UBE3C: variants seen among roughly 807,000 people sequenced by gnomAD.
The protein encoded by UBE3C is ubiquitin-protein ligase E3C.
UBE3C carries 42 observed loss-of-function variants against 129.4 expected under a neutral mutation model. The observed-to-expected ratio is 0.32, with a 90% CI of 0.25 to 0.42. The LOEUF (loss-of-function observed/expected upper bound fraction) is 0.42, where lower values mean the gene tolerates loss of function less well. Ranked by LOEUF, UBE3C falls within the 10% of genes least tolerant of loss-of-function variation. The probability of loss-of-function intolerance (pLI) is 1.00; values close to 1 mark genes in which losing one functional copy is unlikely to be tolerated. For synonymous variants in UBE3C, 510 were observed against 492.4 expected (o/e 1.04, Z -0.47); for missense variants, 1,049 against 1,319.1 (o/e 0.80, Z 3.17).
rs1378487285 is a variant in UBE3C, at chr7:157,243,479, A to C, written c.2482-4889A>C. Among the ~76,000 whole-genome samples the C allele has an allele frequency of 3.3e-5, 5 of 152,302 alleles. No individual in the cohort carries two copies. The South Asian group carries it at 6.2e-4, about 19-fold the overall frequency. On this transcript the variant is annotated intron_variant, in intron 18 of 22. Transcript: ENST00000348165. Reference sequence around the variant, plus strand: ...AGTTATCCGTGGTAGACATCTGCTGAATGAGGAGTGAGTTCACCTCAGCTC... The same window carrying C: ...AGTTATCCGTGGTAGACATCTGCTGCATGAGGAGTGAGTTCACCTCAGCTC...
At chr7:157,156,843 T>C (rs1323639289) in intron 1 of UBE3C, among the ~76,000 whole-genome samples, 1 of 152,094 alleles carries the variant, frequency 6.6e-6, no homozygotes, top group African/African-American at 2.4e-5. Flanking sequence ...TTTAAAGAGC[T>C]ATATGATATT....
At chr7:157,216,448 T>C (rs1390759672) in intron 13 of UBE3C, among the ~76,000 whole-genome samples, 3 of 151,890 alleles carry the variant, frequency 2.0e-5, no homozygotes, top group African/African-American at 7.3e-5. Flanking sequence ...CATCCTTAGA[T>C]CACTCAGGTA....
At chr7:157,235,339 G>A (rs972573724) in intron 18 of UBE3C, among the ~76,000 whole-genome samples, 1 of 152,112 alleles carries the variant, frequency 6.6e-6, no homozygotes, top group Non-Finnish European at 1.5e-5. Context: ...CTCTAAACTT[G>A]GTGGTTTTTA....
chr7:157,220,912 A>G, intron 15 of UBE3C, 136 bp downstream of exon 15: 1 of 1,042,922 alleles, frequency 9.6e-7, no homozygotes, highest in Non-Finnish European at 1.4e-6. Flanking sequence ...CATGTAGAAA[A>G]GTTTCATCAC....
At chr7:157,163,181 C>T (rs1004144925) in intron 1 of UBE3C, among the ~76,000 whole-genome samples, 7 of 151,760 alleles carry the variant, frequency 4.6e-5, no homozygotes, top group African/African-American at 1.2e-4. Flanking sequence ...GTCAGGAGAT[C>T]GAGACCATCC....
intron 1 of UBE3C, among the ~76,000 whole-genome samples, chr7:157,159,616 C>A (rs1367913307): frequency 1.3e-5 from 2 of 152,174 alleles, no homozygotes; most frequent in Non-Finnish European, 2.9e-5. Flanking sequence ...GCCTGTAATA[C>A]CAGCACTTTG....
At chr7:157,159,745 T>C (rs963403892) in intron 1 of UBE3C, among the ~76,000 whole-genome samples, 2 of 152,136 alleles carry the variant, frequency 1.3e-5, no homozygotes, top group Non-Finnish European at 2.9e-5. Context: ...CACATGGTAA[T>C]CCCGGCGGCG....
intron 13 of UBE3C, among the ~76,000 whole-genome samples, chr7:157,216,347 C>T (rs535538184): frequency 3.1e-4 from 44 of 143,580 alleles, no homozygotes; most frequent in African/African-American, 1.2e-3. Context: ...TTTCCAGATT[C>T]GTGGGTTTTT....
chr7:157,152,318 A>G (rs1349991793), intron 1 of UBE3C, among the ~76,000 whole-genome samples: 4 of 152,148 alleles, frequency 2.6e-5, no homozygotes, highest in African/African-American at 9.7e-5. Flanking sequence ...GAAAGCCGCT[A>G]AAGAGTTTTA....
intron 6 of UBE3C, among the ~76,000 whole-genome samples, chr7:157,179,678 G>A (rs1365069627): frequency 1.3e-5 from 2 of 152,164 alleles, no homozygotes; most frequent in Non-Finnish European, 1.5e-5. Flanking sequence ...CTGGAGAGCC[G>A]TGGCTGCAGA....
chr7:157,152,363 T>TG (rs920653202), intron 1 of UBE3C, among the ~76,000 whole-genome samples: 4 of 152,102 alleles, frequency 2.6e-5, no homozygotes, highest in Admixed American at 1.3e-4. Flanking sequence ...TAGAGATGCG[T>TG]GGGGGGCAGT....
chr7:157,250,864 C>T (rs73509658), intron 19 of UBE3C, among the ~76,000 whole-genome samples: 12,436 of 152,140 alleles, frequency 0.082, 1,304 homozygotes, highest in African/African-American at 0.24. Flanking sequence ...TGGTGACCTG[C>T]CTGAGGCCTT....
chr7:157,256,479 G>A lies in UBE3C; in HGVS notation c.2951-435G>A, dbSNP rs933403696. 6.5e-5 allele frequency among the ~76,000 whole-genome samples: 9 copies of A among 138,378 alleles called. No individual in the cohort carries two copies. The South Asian group carries it at 7.9e-4, about 12-fold the overall frequency. 90.8% of individuals were successfully genotyped at this position (138,378 alleles called of 152,430 possible). A position where few individuals can be genotyped will look rare whatever the true frequency, so the allele number is the denominator to read the frequency against. ...CTCCTTAAGTTGCTCTCCCCTTCTC[G>A]TACTTTGCCCATCGCCTCCACATAA... On this transcript the variant is annotated intron_variant, in intron 21 of 22. Transcript: ENST00000348165.
chr7:157,209,595 G>C (rs577567244), intron 13 of UBE3C, among the ~76,000 whole-genome samples: 1 of 152,206 alleles, frequency 6.6e-6, no homozygotes, highest in South Asian at 2.1e-4. Flanking sequence ...TTCAATATTT[G>C]ATTAAACCCT....
rs866735021 is a variant in UBE3C, at chr7:157,171,640, T to C, written c.342+1190T>C. On this transcript the variant is annotated intron_variant, in intron 4 of 22. Transcript: ENST00000348165. ...AGAGATTTGTATATAATTGTTGGGT[T>C]ATATACATTTTTAAATATTTTATAT... Among the ~76,000 whole-genome samples, 187 of 143,944 alleles carry C rather than the reference T, an allele frequency of 1.3e-3. 1 individual carries two copies. Among genetic ancestry groups the C allele is most frequent in the Middle Eastern group, 0.011 (3 of 274 alleles). 94.4% of individuals were successfully genotyped at this position (143,944 alleles called of 152,430 possible).
rs1277508522 is a variant in UBE3C at position 157,183,994 on chromosome 7, G to A, written c.1108G>A (p.Glu370Lys). Residue 370 changes from glutamate to lysine, a missense_variant, in exon 9 of 23, where the codon GAG (glutamate) becomes AAG (lysine). Around this residue, in one of 4 missense-constraint regions of UBE3C, gnomAD observed 489 missense variants for 513.8 expected, o/e 0.95. Coordinates refer to ENST00000348165, the MANE Select transcript of UBE3C (RefSeq NM_014671.3). ...TCACGACTCAGCCAGTGACTCTGAG[G>A]AGGAGAGTGAAGAAGCCGACAAGCC... is the stretch of plus-strand genomic sequence containing the variant. ...SCHDSASDSE[E>K]ESEEADKPSS... The A allele has an allele frequency of 1.2e-6, 2 of 1,614,046 alleles. No homozygotes were observed. Among genetic ancestry groups the A allele is most frequent in the Admixed American group, 3.3e-5 (2 of 59,990 alleles).
At chr7:157,224,220 G>C (rs955974041) in intron 16 of UBE3C, among the ~76,000 whole-genome samples, 1 of 151,774 alleles carries the variant, frequency 6.6e-6, no homozygotes, top group Non-Finnish European at 1.5e-5. Flanking sequence ...TTTTGAGATG[G>C]AGTGTCCTCT....
intron 17 of UBE3C, among the ~76,000 whole-genome samples, chr7:157,227,181 G>T (rs1010816639): frequency 2.6e-5 from 4 of 152,100 alleles, no homozygotes; most frequent in Non-Finnish European, 4.4e-5. Context: ...GTTTGCCAAT[G>T]ATCGTGTAGT....
chr7:157,253,721 T>C (rs1796675074), intron 19 of UBE3C, among the ~76,000 whole-genome samples: 1 of 152,158 alleles, frequency 6.6e-6, no homozygotes, highest in Admixed American at 6.5e-5. Context: ...GGAGGAAACA[T>C]GGATGGTTAG....
Sources: allele counts gnomAD v4.1 joint callset (sites outside exome capture counted in the v4.1 genomes callset), GRCh38; gene constraint gnomAD v4.1.1; regional missense constraint gnomAD v4.1.1; transcripts MANE v1.5; gene names NCBI Gene and HGNC (gene_info 2026-07-23, HGNC 2026-07-21).